Variants in ANO4 observed in about 807,000 individuals in gnomAD.
The protein encoded by ANO4 is anoctamin-4.
A neutral mutation model predicts 141.9 loss-of-function variants in ANO4; 69 were observed. That is an observed-to-expected ratio of 0.49 (90% confidence interval 0.40 to 0.59). The LOEUF (loss-of-function observed/expected upper bound fraction) is 0.59. ANO4 is among the 20% of genes least tolerant of loss of function. The probability of loss-of-function intolerance (pLI) is 0.00; values close to 1 mark genes in which losing one functional copy is unlikely to be tolerated. For synonymous variants in ANO4, 350 were observed against 394.3 expected, an observed-to-expected ratio of 0.89 and a Z score of 1.33; for missense variants, 894 against 1,162.2, an observed-to-expected ratio of 0.77 and a Z score of 3.36.
At chr12:100,793,704 C>G (rs1593342476), upstream of ANO4, among the ~76,000 whole-genome samples, 2 of 152,148 alleles carry the variant, frequency 1.3e-5, no homozygotes, top group East Asian at 3.8e-4. Flanking sequence ...ACAAAAAGTT[C>G]TGAAGTTTTA....
chr12:101,107,493 A>G (rs946623394), intron 22 of ANO4, among the ~76,000 whole-genome samples: 9 of 152,104 alleles, frequency 5.9e-5, no homozygotes, highest in Non-Finnish European at 1.5e-5. Context: ...TCAAGAGGGT[A>G]TATTTGAGTA....
intron 1 of ANO4, among the ~76,000 whole-genome samples, chr12:100,800,011 T>C (rs2034584495): frequency 6.6e-6 from 1 of 152,184 alleles, no homozygotes. Context: ...TCTGGGTTCA[T>C]TTCATGCAGA....
intron 14 of ANO4, among the ~76,000 whole-genome samples, chr12:101,055,946 G>A (rs1436171521): frequency 2.0e-5 from 3 of 151,814 alleles, no homozygotes; most frequent in Non-Finnish European, 2.9e-5. Flanking sequence ...AATTTTCTTG[G>A]TACATTTTGG....
At chr12:101,052,449 C>A (rs182700237) in intron 14 of ANO4, among the ~76,000 whole-genome samples, 69 of 152,144 alleles carry the variant, frequency 4.5e-4, no homozygotes, top group Admixed American at 1.3e-3. Context: ...AGATTATTTC[C>A]CTCTGTTCTG....
Position 101,014,195 on chromosome 12 carries a change from C to T in ANO4, c.735-5839C>T, listed in dbSNP as rs77751867. Among the ~76,000 whole-genome samples, 344 of 152,270 alleles carry T rather than the reference C, an allele frequency of 2.3e-3. 3 individuals carry two copies. The highest frequency in any genetic ancestry group is 8.0e-3 in the African/African-American group (332 of 41,550). On this transcript the variant is annotated intron_variant, in intron 8 of 27. Coordinates refer to ENST00000392977, the MANE Select transcript of ANO4 (RefSeq NM_001286615.2). ...AATATTTACTTGTTAAATGACCCAG[C>T]ATATCACAGCATTTTACAACACTAC...
intron 2 of ANO4, among the ~76,000 whole-genome samples, chr12:100,734,333 A>T (rs2031516968): frequency 1.3e-5 from 2 of 152,176 alleles, no homozygotes; most frequent in Non-Finnish European, 2.9e-5. Context: ...TGTTATGCTC[A>T]CTCAACCTTA....
At chr12:101,117,112 C>T (rs1455565272) in intron 25 of ANO4, among the ~76,000 whole-genome samples, 1 of 152,202 alleles carries the variant, frequency 6.6e-6, no homozygotes, top group African/African-American at 2.4e-5. Flanking sequence ...CAGGGACAGA[C>T]AATCCCCAGG....
In ANO4 at chr12:101,046,774, C is replaced by T. The variant is rs190883582; in HGVS notation, c.1252-1567C>T. 4.6e-4 allele frequency among the ~76,000 whole-genome samples: 70 copies of T among 152,296 alleles called. No individual in the cohort carries two copies. In the East Asian group the frequency reaches 0.012, roughly 26 times the overall value. On this transcript the variant is annotated intron_variant, in intron 13 of 27. Coordinates refer to ENST00000392977, the MANE Select transcript of ANO4 (RefSeq NM_001286615.2). Reference sequence around the variant, plus strand: ...TGTCTCCAAATGTTTGTGTATCAGCCCCAGGGCAGTATTCTGATTGGTTCT... The same window carrying T: ...TGTCTCCAAATGTTTGTGTATCAGCTCCAGGGCAGTATTCTGATTGGTTCT...
chr12:101,127,306 G>A (rs1408093243), intron 27 of ANO4, among the ~76,000 whole-genome samples: 1 of 152,196 alleles, frequency 6.6e-6, no homozygotes. Flanking sequence ...CCAGACTCTG[G>A]CCTATCAGTC....
intron 5 of ANO4, among the ~76,000 whole-genome samples, chr12:100,958,298 C>G (rs888642149): frequency 6.6e-6 from 1 of 152,224 alleles, no homozygotes; most frequent in Non-Finnish European, 1.5e-5. Flanking sequence ...TTCGTCCTCT[C>G]TATAAAAATC....
chr12:100,839,437 A>G (rs1464611073), intron 1 of ANO4, among the ~76,000 whole-genome samples: 1 of 152,180 alleles, frequency 6.6e-6, no homozygotes, highest in Admixed American at 6.5e-5. Flanking sequence ...TTTCTTTGTA[A>G]TGTAGGTACA....
At chr12:100,750,314 T>G (rs1285292340) in intron 3 of ANO4, among the ~76,000 whole-genome samples, 2 of 151,160 alleles carry the variant, frequency 1.3e-5, no homozygotes, top group African/African-American at 4.9e-5. Flanking sequence ...TTTTTTTTTT[T>G]TGTATTTTTA....
intron 14 of ANO4, chr12:101,068,371 C>A: frequency 3.8e-6 from 4 of 1,050,568 alleles, no homozygotes; most frequent in East Asian, 2.4e-5. Flanking sequence ...GGTCTTTGAC[C>A]AAAGAAGAAT....
At chr12:101,035,019 A>G (rs1227023) in intron 9 of ANO4, among the ~76,000 whole-genome samples, 23,203 of 152,166 alleles carry the variant, frequency 0.15, 2,108 homozygotes, top group East Asian at 0.24. Flanking sequence ...TTCATCTACT[A>G]TATGATCTAG....
At chr12:100,917,564 A>G (rs1026135040) in intron 2 of ANO4, among the ~76,000 whole-genome samples, 4 of 152,202 alleles carry the variant, frequency 2.6e-5, no homozygotes, top group Admixed American at 6.5e-5. Flanking sequence ...CTTGGGCACT[A>G]TAAGTTAAAG....
At chr12:100,850,125 A>G (rs1188014756) in intron 1 of ANO4, among the ~76,000 whole-genome samples, 1 of 152,220 alleles carries the variant, frequency 6.6e-6, no homozygotes, top group Non-Finnish European at 1.5e-5. Context: ...TTATTTAGGG[A>G]TATTTAGTTA....
At chr12:100,738,835 G>T (rs1437373693) in intron 2 of ANO4, among the ~76,000 whole-genome samples, 1 of 151,634 alleles carries the variant, frequency 6.6e-6, no homozygotes, top group Non-Finnish European at 1.5e-5. Context: ...TCTACTGTTA[G>T]CAAATTTCCA....
chr12:101,019,940 G>A, intron 8 of ANO4, 94 bp from the exon 9 acceptor site: 1 of 923,320 alleles, frequency 1.1e-6, no homozygotes, highest in South Asian at 1.4e-5. Context: ...ACTGACTGAA[G>A]ACATCTGCAT....
chr12:101,086,879 A>T lies in ANO4; in HGVS notation c.1701+55A>T, dbSNP rs113720996. ...GATCAAAATGTGTGGGCTGCAAGTGACAGTTTTCTTCTGTTGCTAAGGGGA... is the reference window on the plus strand; with the variant it reads ...GATCAAAATGTGTGGGCTGCAAGTGTCAGTTTTCTTCTGTTGCTAAGGGGA... On this transcript the variant is annotated intron_variant, in intron 17 of 27. Transcript: ENST00000392977. The T allele has an allele frequency of 2.3e-5, 37 of 1,582,274 alleles. 1 individual carries two copies. In the Middle Eastern group the frequency reaches 7.6e-4, roughly 32 times the overall value.
Sources: allele counts gnomAD v4.1 joint callset (sites outside exome capture counted in the v4.1 genomes callset), GRCh38; gene constraint gnomAD v4.1.1; transcripts MANE v1.5; gene names NCBI Gene and HGNC (gene_info 2026-07-23, HGNC 2026-07-21).